Variants in GMDS observed in about 807,000 individuals in gnomAD.
The protein encoded by GMDS is GDP-mannose 4,6 dehydratase.
GMDS carries 20 observed loss-of-function variants against 49.9 expected under a neutral mutation model. The ratio of observed to expected loss-of-function variants is 0.40; its 90% CI spans 0.28 to 0.58. The LOEUF is 0.58. GMDS is among the 20% of genes least tolerant of loss of function. The pLI is 0.42. For synonymous variants in GMDS, 177 were observed against 178.6 expected, an observed-to-expected ratio of 0.99 and a Z score of 0.07; for missense variants, 362 against 481.4, an observed-to-expected ratio of 0.75 and a Z score of 2.32.
At chr6:2,032,228 C>T (rs974714906) in intron 4 of GMDS, among the ~76,000 whole-genome samples, 1 of 152,128 alleles carries the variant, frequency 6.6e-6, no homozygotes, top group African/African-American at 2.4e-5. Flanking sequence ...TGGAGACATA[C>T]AGCTATTCCT....
chr6:1,812,344 G>C (rs1362787135), intron 7 of GMDS, among the ~76,000 whole-genome samples: 4 of 152,154 alleles, frequency 2.6e-5, no homozygotes, highest in Non-Finnish European at 5.9e-5. Flanking sequence ...GGGGATTTCA[G>C]TCCATAAACT....
intron 1 of GMDS, among the ~76,000 whole-genome samples, chr6:2,164,203 G>A (rs77891970): frequency 5.9e-5 from 9 of 152,246 alleles, no homozygotes; most frequent in Admixed American, 2.6e-4. Context: ...AATTCAGCCC[G>A]ATACAACTTC....
At chr6:1,779,128 G>T (rs1768969940) in intron 7 of GMDS, among the ~76,000 whole-genome samples, 1 of 152,130 alleles carries the variant, frequency 6.6e-6, no homozygotes, top group Non-Finnish European at 1.5e-5. Context: ...CATGCCTCTG[G>T]GTACGAGGAC....
intron 8 of GMDS, among the ~76,000 whole-genome samples, chr6:1,734,465 C>A (rs1381698837): frequency 6.6e-6 from 1 of 152,224 alleles, no homozygotes; most frequent in African/African-American, 2.4e-5. Context: ...CACAAATTCA[C>A]AGGGCTGAAC....
At chr6:2,020,685 C>G (rs1768225401) in intron 4 of GMDS, among the ~76,000 whole-genome samples, 1 of 151,724 alleles carries the variant, frequency 6.6e-6, no homozygotes, top group Non-Finnish European at 1.5e-5. Flanking sequence ...AAATAGAAAT[C>G]CAGTGGGGGA....
At chr6:1,846,329 G>C (rs943560172) in intron 7 of GMDS, among the ~76,000 whole-genome samples, 3 of 152,056 alleles carry the variant, frequency 2.0e-5, no homozygotes, top group Non-Finnish European at 2.9e-5. Flanking sequence ...CTGGGCTCAA[G>C]TGATCCACTT....
intron 1 of GMDS, among the ~76,000 whole-genome samples, chr6:2,206,624 G>T (rs1779819761): frequency 6.6e-6 from 1 of 152,186 alleles, no homozygotes; most frequent in South Asian, 2.1e-4. Context: ...TCAAGATGCA[G>T]AAGACCATAT....
intron 4 of GMDS, among the ~76,000 whole-genome samples, chr6:1,967,439 G>A (rs1406650139): frequency 6.6e-6 from 1 of 152,108 alleles, no homozygotes; most frequent in Non-Finnish European, 1.5e-5. Context: ...GAAAGAAAAT[G>A]AGCTATGAGA....
intron 1 of GMDS, among the ~76,000 whole-genome samples, chr6:2,186,759 T>C (rs1778796017): frequency 1.3e-5 from 2 of 152,230 alleles, no homozygotes; most frequent in Admixed American, 1.3e-4. Context: ...GGTGAAGAAC[T>C]GAAATTACTG....
intron 1 of GMDS, among the ~76,000 whole-genome samples, chr6:2,212,777 A>G (rs1436276756): frequency 6.6e-6 from 1 of 151,330 alleles, no homozygotes; most frequent in African/African-American, 2.4e-5. Flanking sequence ...CATGACATTC[A>G]TTTTTCACAT....
chr6:1,817,637 G>C (rs1025731371), intron 7 of GMDS, among the ~76,000 whole-genome samples: 4 of 152,120 alleles, frequency 2.6e-5, no homozygotes, highest in Non-Finnish European at 4.4e-5. Context: ...GTTCTCAGTA[G>C]ACCATTTACT....
chr6:2,159,771 C>T (rs1777298881), intron 1 of GMDS, among the ~76,000 whole-genome samples: 1 of 151,974 alleles, frequency 6.6e-6, no homozygotes. Context: ...CCTGCCTTGG[C>T]CTCCCAAAGT....
intron 9 of GMDS, among the ~76,000 whole-genome samples, chr6:1,641,144 C>T (rs1399778519): frequency 3.3e-5 from 5 of 152,244 alleles, no homozygotes; most frequent in African/African-American, 9.6e-5. Flanking sequence ...TGGCTACTCA[C>T]ATGCTGGAGA....
intron 7 of GMDS, among the ~76,000 whole-genome samples, chr6:1,902,372 C>T (rs1581331396): frequency 6.6e-6 from 1 of 152,086 alleles, no homozygotes. Context: ...ATTATCTGAA[C>T]TAATGGAAAT....
intron 7 of GMDS, among the ~76,000 whole-genome samples, chr6:1,825,762 A>C (rs1182837110): frequency 6.6e-6 from 1 of 152,252 alleles, no homozygotes; most frequent in Admixed American, 6.5e-5. Context: ...TAATCCCAGC[A>C]CTTTGGGAGG....
chr6:1,872,433 G>A (rs1758810238), intron 7 of GMDS, among the ~76,000 whole-genome samples: 3 of 152,192 alleles, frequency 2.0e-5, no homozygotes, highest in Admixed American at 2.0e-4. Context: ...GAACACATTT[G>A]TTAGTAACTA....
At chr6:1,887,792 G>T (rs1183670170) in intron 7 of GMDS, among the ~76,000 whole-genome samples, 1 of 152,116 alleles carries the variant, frequency 6.6e-6, no homozygotes, top group Non-Finnish European at 1.5e-5. Context: ...AAAATCCAAG[G>T]ATGCTCAACT....
intron 7 of GMDS, among the ~76,000 whole-genome samples, chr6:1,917,037 C>T (rs1761441674): frequency 6.6e-6 from 1 of 152,144 alleles, no homozygotes; most frequent in Non-Finnish European, 1.5e-5. Context: ...CAGGGACTGG[C>T]CTTTTCACAT....
chr6:2,017,229 G>A (rs535490323), intron 4 of GMDS, among the ~76,000 whole-genome samples: 1 of 152,142 alleles, frequency 6.6e-6, no homozygotes, highest in African/African-American at 2.4e-5. Flanking sequence ...TTCATGCCAG[G>A]AATGAAAGAC....
Sources: allele counts gnomAD v4.1 joint callset (sites outside exome capture counted in the v4.1 genomes callset), GRCh38; gene constraint gnomAD v4.1.1; transcripts MANE v1.5; gene names NCBI Gene and HGNC (gene_info 2026-07-23, HGNC 2026-07-21).